The following PTBP2 variants were observed in gnomAD, a reference collection of about 807,000 sequenced individuals.
PTBP2 encodes polypyrimidine tract binding protein 2, also known as polypyrimidine tract-binding protein 2.
Under a neutral mutation model 61.4 loss-of-function variants are expected in PTBP2, and 13 were observed. The observed-to-expected ratio is 0.21, with a 90% confidence interval of 0.14 to 0.34. The LOEUF (loss-of-function observed/expected upper bound fraction) is 0.34, where lower values mean the gene tolerates loss of function less well. Among genes scored for constraint, PTBP2 ranks in the 10% least tolerant of loss-of-function variants. The pLI, the probability that PTBP2 is intolerant of heterozygous loss-of-function variation, is 1.00. For synonymous variants in PTBP2, 215 were observed against 218.5 expected (o/e 0.98, Z 0.14); for missense variants, 405 against 642.6 (o/e 0.63, Z 4.00).
chr1:96,770,197 G>A (rs1370634911), intron 4 of PTBP2, among the ~76,000 whole-genome samples: 4 of 151,796 alleles, frequency 2.6e-5, no homozygotes, highest in Non-Finnish European at 2.9e-5. Flanking sequence ...GGTACTAGTC[G>A]CATCTTTCCT....
chr1:96,812,448 A>G (rs1662175059), intron 11 of PTBP2, among the ~76,000 whole-genome samples: 1 of 152,190 alleles, frequency 6.6e-6, no homozygotes, highest in Admixed American at 6.5e-5. Context: ...AGCTCACTAT[A>G]CGATTTGTTA....
chr1:96,752,700 G>T (rs551626201), intron 3 of PTBP2, among the ~76,000 whole-genome samples: 2 of 152,186 alleles, frequency 1.3e-5, no homozygotes, highest in Admixed American at 1.3e-4. Flanking sequence ...TCGATAATGG[G>T]AAATTAATTT....
intron 3 of PTBP2, among the ~76,000 whole-genome samples, chr1:96,763,601 AGGGAGGGGGAGG>A (rs756734165): frequency 9.6e-4 from 14 of 14,558 alleles, no homozygotes; most frequent in South Asian, 7.9e-3. Flanking sequence ...TGGGGAGAGG[AGGGAGGGGGAGG>A]GGGAGGGGGA....
At position 96,770,770 on chromosome 1, in the gene PTBP2, G is replaced by C. The variant is rs867212156; in HGVS notation, c.351G>C (p.Val117=). 1 of 1,608,118 alleles carries C rather than the reference G, an allele frequency of 6.2e-7. No individual in the cohort carries two copies. Among genetic ancestry groups the C allele is most frequent in the African/African-American group, 1.3e-5 (1 of 74,740 alleles). The change falls in exon 5 of 14, where the codon GTG becomes GTC. Residue 117 remains valine (V), a synonymous_variant. Coordinates refer to ENST00000674951, the MANE Select transcript of PTBP2 (RefSeq NM_021190.4). The stretch of plus-strand genomic sequence containing the variant: ...CTATGGTTAATTACTATTCTGCTGT[G>C]ACACCTCATCTTCGTAACCAACCAA... ...AITMVNYYSA[V]TPHLRNQPIY...
At chr1:96,763,624 GGGGGA>G in intron 3 of PTBP2, among the ~76,000 whole-genome samples, 3 of 128,060 alleles carry the variant, frequency 2.3e-5, no homozygotes, top group African/African-American at 2.9e-5. Flanking sequence ...GGGAGGGGGA[GGGGGA>G]GGGCTGTTCT....
chr1:96,804,445 G>T (rs754863511), intron 8 of PTBP2, among the ~76,000 whole-genome samples: 2 of 150,514 alleles, frequency 1.3e-5, no homozygotes, highest in African/African-American at 4.8e-5. Flanking sequence ...TTTACATTTG[G>T]CCTTTTACTG....
intron 8 of PTBP2, among the ~76,000 whole-genome samples, chr1:96,795,800 G>C (rs566965898): frequency 6.6e-6 from 1 of 152,306 alleles, no homozygotes; most frequent in Admixed American, 6.5e-5. Context: ...GCAGGACCCA[G>C]TGGGGGGAGT....
intron 2 of PTBP2, among the ~76,000 whole-genome samples, chr1:96,744,610 T>C (rs1168141379): frequency 6.6e-6 from 1 of 152,202 alleles, no homozygotes; most frequent in African/African-American, 2.4e-5. Context: ...TGTCATGTAT[T>C]AAAAATCATT....
At chr1:96,760,527 C>T (rs1283635934) in intron 3 of PTBP2, among the ~76,000 whole-genome samples, 2 of 144,836 alleles carry the variant, frequency 1.4e-5, no homozygotes, top group Admixed American at 1.4e-4. Context: ...CTTACTGCAA[C>T]CTCCGCCTCC....
intron 11 of PTBP2, among the ~76,000 whole-genome samples, chr1:96,812,407 T>A (rs1174088512): frequency 1.3e-5 from 2 of 152,166 alleles, no homozygotes; most frequent in Non-Finnish European, 2.9e-5. Context: ...GAAAAAGAGC[T>A]AGGGATGCTT....
intron 5 of PTBP2, among the ~76,000 whole-genome samples, chr1:96,774,131 AAAGG>A (rs1369848163): frequency 6.6e-6 from 1 of 151,836 alleles, no homozygotes; most frequent in African/African-American, 2.4e-5. Flanking sequence ...AAAAAAAAAA[AAAGG>A]AAGAAATTCT....
chr1:96,743,746 CAA>C (rs563865632), intron 2 of PTBP2, among the ~76,000 whole-genome samples: 5 of 152,186 alleles, frequency 3.3e-5, no homozygotes, highest in South Asian at 4.1e-4. Flanking sequence ...GTCGCAACAG[CAA>C]AGAGTTTAAT....
chr1:96,803,390 G>A (rs75596148), intron 8 of PTBP2, among the ~76,000 whole-genome samples: 1,734 of 150,690 alleles, frequency 0.012, 37 homozygotes, highest in African/African-American at 0.041. Context: ...AAAATGTATA[G>A]CCATAAAAAA....
At chr1:96,771,262 T>TA (rs1657350753) in intron 5 of PTBP2, 2 of 155,518 alleles carry the variant, frequency 1.3e-5, no homozygotes, top group Admixed American at 1.3e-4. Flanking sequence ...AAAGAAATCT[T>TA]AAGGATGAAG....
At chr1:96,767,532 A>C (rs1183300323) in intron 3 of PTBP2, among the ~76,000 whole-genome samples, 1 of 152,166 alleles carries the variant, frequency 6.6e-6, no homozygotes, top group African/African-American at 2.4e-5. Flanking sequence ...AAACAAACTA[A>C]TGAACAAGAA....
At chr1:96,784,126 G>T (rs538168851) in intron 7 of PTBP2, among the ~76,000 whole-genome samples, 1 of 152,064 alleles carries the variant, frequency 6.6e-6, no homozygotes, top group Non-Finnish European at 1.5e-5. Context: ...CTAATGAAAA[G>T]TTAACAGTAT....
intron 2 of PTBP2, among the ~76,000 whole-genome samples, chr1:96,730,301 T>G (rs1358499569): frequency 6.6e-6 from 1 of 152,216 alleles, no homozygotes; most frequent in South Asian, 2.1e-4. Flanking sequence ...GAAGTTAATG[T>G]CATTAACTTA....
At chr1:96,804,743 A>T in intron 8 of PTBP2, 57 bp from the exon 9 acceptor site, 2 of 1,527,940 alleles carry the variant, frequency 1.3e-6, no homozygotes, top group Non-Finnish European at 8.9e-7. Context: ...TTTGTAAACG[A>T]CTTGTGTGTG....
chr1:96,753,169 G>A (rs192256471), intron 3 of PTBP2, among the ~76,000 whole-genome samples: 137 of 152,242 alleles, frequency 9.0e-4, no homozygotes, highest in African/African-American at 3.2e-3. Context: ...GCAGGTTGAG[G>A]CTTTGCCAGG....
Sources: allele counts gnomAD v4.1 joint callset (sites outside exome capture counted in the v4.1 genomes callset), GRCh38; gene constraint gnomAD v4.1.1; transcripts MANE v1.5; gene names NCBI Gene and HGNC (gene_info 2026-07-23, HGNC 2026-07-21).